The following TG variants were observed in gnomAD, a reference collection of about 807,000 sequenced individuals.
TG encodes thyroid hormones.
A neutral mutation model predicts 324.7 loss-of-function variants in TG; 270 were observed. The ratio of observed to expected loss-of-function variants is 0.83; its 90% confidence interval spans 0.75 to 0.92. The LOEUF is 0.92. Ranked by LOEUF, TG falls within the 40% of genes least tolerant of loss-of-function variation. The probability of loss-of-function intolerance (pLI) is 0.00; values close to 1 mark genes in which losing one functional copy is unlikely to be tolerated. For synonymous variants in TG, 1,401 were observed against 1,327.0 expected (o/e 1.06, Z -1.21); for missense variants, 3,591 against 3,456.4 (o/e 1.04, Z -0.98).
In TG at chr8:133,017,866, G is replaced by A. The variant is rs746508369; in HGVS notation, c.6651G>A (p.Gln2217=). The stretch of plus-strand genomic sequence containing the variant: ...TGCTGGGCAGGTCCCAGGCCATCCA[G>A]GTGGGTACCTCATGGAAGCAAGTGG... ...GRLLGRSQAI[Q]VGTSWKQVDQ... The change falls in exon 38 of 48, where the codon CAG becomes CAA. Residue 2217 remains glutamine (Q), a synonymous_variant. Transcript: ENST00000220616. 21 of 1,614,070 alleles carry A rather than the reference G, an allele frequency of 1.3e-5. No individual in the cohort carries two copies. The highest frequency in any genetic ancestry group is 1.8e-5 in the Non-Finnish European group (21 of 1,180,034).
At chr8:132,899,786 G>A (rs2132275550) in intron 14 of TG, among the ~76,000 whole-genome samples, 1 of 152,338 alleles carries the variant, frequency 6.6e-6, no homozygotes, top group East Asian at 1.9e-4. Flanking sequence ...ACAGAGTGGA[G>A]CTTAGAGGCG....
chr8:132,942,891 G>A (rs1051424454), intron 26 of TG, among the ~76,000 whole-genome samples: 1 of 152,180 alleles, frequency 6.6e-6, no homozygotes, highest in African/African-American at 2.4e-5. Flanking sequence ...CAGAGTGGGT[G>A]TCCTTGTGAG....
intron 43 of TG, chr8:133,102,544 G>A: frequency 1.9e-6 from 3 of 1,551,616 alleles, no homozygotes. Flanking sequence ...AGCAAAGTTA[G>A]CAACCTACCG....
intron 45 of TG, among the ~76,000 whole-genome samples, chr8:133,129,810 G>A (rs1851811912): frequency 6.6e-6 from 1 of 152,092 alleles, no homozygotes; most frequent in Non-Finnish European, 1.5e-5. Flanking sequence ...TATTTATCAG[G>A]TCATGACCTT....
intron 5 of TG, among the ~76,000 whole-genome samples, chr8:132,879,773 GC>G (rs1359058482): frequency 6.6e-6 from 1 of 152,088 alleles, no homozygotes; most frequent in Admixed American, 6.5e-5. Flanking sequence ...TGAGGTCCAT[GC>G]AAAAAACACT....
intron 16 of TG, 69 bp from the exon 17 acceptor site, chr8:132,906,619 C>T (rs1019287445): frequency 6.4e-7 from 1 of 1,573,404 alleles, no homozygotes; most frequent in African/African-American, 1.3e-5. Flanking sequence ...GAGACACCCA[C>T]AAGCAGGCAT....
chr8:133,026,275 G>A lies in TG; in HGVS notation c.7037-3546G>A, dbSNP rs140808624. 4.3e-3 allele frequency among the ~76,000 whole-genome samples: 656 copies of A among 152,334 alleles called. 7 individuals are homozygous for A. The highest frequency in any genetic ancestry group is 0.015 in the African/African-American group (619 of 41,580). ...TCCCTGAGAGCCCCAGACTCCAGAG[G>A]TACTTTGTGAAAGAGACCAGAGGAA... On this transcript the variant is annotated intron_variant, in intron 40 of 47. Transcript: ENST00000220616.
intron 45 of TG, among the ~76,000 whole-genome samples, chr8:133,121,003 A>G (rs943476664): frequency 1.3e-4 from 20 of 152,140 alleles, no homozygotes; most frequent in Admixed American, 1.2e-3. Flanking sequence ...TCATGTCCCT[A>G]GAGACAGGGT....
At position 132,979,020 on chromosome 8, in the gene TG, A is replaced by G. The variant is rs76135397; in HGVS notation, c.6200-4330A>G. On this transcript the variant is annotated intron_variant, in intron 34 of 47. Coordinates refer to ENST00000220616, the MANE Select transcript of TG (RefSeq NM_003235.5). ...TCCATGCATCTTAGCATAGAATTGC[A>G]GAGTCTCAGGCTAAGCAATGTGAAT... Among the ~76,000 whole-genome samples, 1,049 of 152,342 alleles carry G rather than the reference A, an allele frequency of 6.9e-3. 13 individuals carry two copies. Among genetic ancestry groups the G allele is most frequent in the African/African-American group, 0.024 (1,009 of 41,576 alleles).
rs769800036 is a variant in TG at position 132,913,253 on chromosome 8, G to A, written c.4366G>A (p.Gly1456Arg). 47 of 1,613,868 alleles carry A rather than the reference G, an allele frequency of 2.9e-5. No individual in the cohort carries two copies. In the East Asian group the frequency reaches 7.8e-4, roughly 27 times the overall value. Residue 1456 changes from glycine (G) to arginine (R), a missense_variant, in exon 20 of 48, where the codon GGA (glycine) becomes AGA (arginine). Transcript: ENST00000220616. ...CTTGACAAGTGAGGCCAGTCAGGAC[G>A]GACTGGGATGCGGTAGGTCCACTCT... The part of the protein sequence containing the change: ...QVLTSEASQD[G>R]LGCVKCPEGS...
chr8:132,942,313 A>G (rs527836731), intron 26 of TG, among the ~76,000 whole-genome samples: 45 of 152,356 alleles, frequency 3.0e-4, no homozygotes, highest in Non-Finnish European at 2.6e-4. Context: ...AATGCTGCGT[A>G]TAGATTTGGC....
chr8:132,960,955 G>A lies in TG; in HGVS notation c.5402-53G>A. The A allele has an allele frequency of 1.9e-6, 3 of 1,553,952 alleles. No individual in the cohort carries two copies. The Admixed American group carries it at 5.0e-5, about 26-fold the overall frequency. ...GATGGGGCTATTGCAGTAATGGTGG[G>A]TACCCAGTGACAGCACACTCAAGCT... is the stretch of plus-strand genomic sequence containing the variant. On this transcript the variant is annotated intron_variant, in intron 27 of 47. Coordinates refer to ENST00000220616, the MANE Select transcript of TG (RefSeq NM_003235.5).
chr8:132,907,939 C>T (rs1818927216), intron 17 of TG, among the ~76,000 whole-genome samples: 2 of 152,130 alleles, frequency 1.3e-5, no homozygotes, highest in South Asian at 4.1e-4. Flanking sequence ...TGTCCAGGAC[C>T]TCAAAATATA....
intron 34 of TG, among the ~76,000 whole-genome samples, chr8:132,981,265 C>T (rs943145510): frequency 2.0e-5 from 3 of 152,220 alleles, no homozygotes; most frequent in Non-Finnish European, 4.4e-5. Context: ...GCTCACGCCA[C>T]CATTCTCATA....
In TG at chr8:133,084,339, G is replaced by A. The variant is rs148510062; in HGVS notation, c.7240-10705G>A. ...AAGAAGCAGTCAGGGTCTTTTACAA[G>A]TTATAATGATGAAATTATTTTTAAA... On this transcript the variant is annotated intron_variant, in intron 41 of 47. Transcript: ENST00000220616. Among the ~76,000 whole-genome samples the A allele has an allele frequency of 1.4e-3, 206 of 152,268 alleles. 1 individual carries two copies. The highest frequency in any genetic ancestry group is 4.9e-3 in the African/African-American group (202 of 41,540).
chr8:132,908,769 C>T (rs75359268), intron 18 of TG, among the ~76,000 whole-genome samples: 10,576 of 152,110 alleles, frequency 0.07, 457 homozygotes, highest in South Asian at 0.12. Flanking sequence ...TAAAGCAGGT[C>T]GGGCCTTGCT....
chr8:132,993,378 T>A (rs1832566454), intron 35 of TG, among the ~76,000 whole-genome samples: 1 of 152,220 alleles, frequency 6.6e-6, no homozygotes, highest in East Asian at 1.9e-4. Flanking sequence ...GTATGTGACC[T>A]TGGCCAGTTT....
intron 41 of TG, among the ~76,000 whole-genome samples, chr8:133,031,929 C>A (rs1327495033): frequency 1.3e-5 from 2 of 152,124 alleles, no homozygotes; most frequent in Non-Finnish European, 2.9e-5. Context: ...ATGGCTTGTG[C>A]TGCCTGTACG....
chr8:133,060,490 A>G (rs1350987854), intron 41 of TG: 1 of 859,154 alleles, frequency 1.2e-6, no homozygotes. Flanking sequence ...GTAAGCAGCC[A>G]CAGCAGGGTT....
Sources: gnomAD v4.1 joint callset for allele counts (sites outside exome capture counted in the v4.1 genomes callset) on GRCh38, gnomAD v4.1.1 for gene constraint, MANE v1.5 for transcripts, NCBI Gene and HGNC (gene_info 2026-07-23, HGNC 2026-07-21) for gene names.